AMN: variants seen among roughly 807,000 people sequenced by gnomAD.
AMN encodes amnion associated transmembrane protein, also known as protein amnionless.
Under a neutral mutation model 49.1 loss-of-function variants are expected in AMN, and 40 were observed. The observed-to-expected ratio is 0.81, with a 90% CI of 0.63 to 1.06. The LOEUF (loss-of-function observed/expected upper bound fraction) is 1.06. Ranked by LOEUF, AMN falls within the 50% of genes least tolerant of loss-of-function variation. The pLI is 0.00. For missense variants in AMN, 701 were observed against 662.8 expected, an observed-to-expected ratio of 1.06 and a Z score of -0.63; for synonymous variants, 380 against 313.3, an observed-to-expected ratio of 1.21 and a Z score of -2.25.
Position 102,928,888 on chromosome 14 carries a change from C to T in AMN, c.426C>T (p.Val142=). 1 of 1,603,880 alleles carries T rather than the reference C, an allele frequency of 6.2e-7. No individual in the cohort carries two copies. The highest frequency in any genetic ancestry group is 8.5e-7 in the Non-Finnish European group (1 of 1,179,808). Residue 142 remains valine (V), a synonymous_variant, in exon 5 of 12, where the codon GTC becomes GTT. Transcript: ENST00000299155. ...GCGTGCCCTGCCGCCACGACGACGT[C>T]TTCTTTCCGCCTAGTGCCTCCTTCC... ...AERVPCRHDD[V]FFPPSASFRV... is the part of the protein sequence containing the mutation.
At chr14:102,924,072 C>T in intron 3 of AMN, 93 bp downstream of exon 3, 3 of 1,560,318 alleles carry the variant, frequency 1.9e-6, no homozygotes, top group African/African-American at 1.4e-5. Context: ...CGGACCCCAC[C>T]GGCATGGAGG....
rs749049449 is a variant in AMN, at chr14:102,930,509, G to C, written c.1257+16G>C. Reference sequence around the variant, plus strand: ...CGAGGAGCTGGTGAGGGGGCTGGAGGGGGGACCGGGGCCTCCTCGGGGCCG... The same window carrying C: ...CGAGGAGCTGGTGAGGGGGCTGGAGCGGGGACCGGGGCCTCCTCGGGGCCG... On this transcript the variant is annotated intron_variant, in intron 11 of 11. Transcript: ENST00000299155. 2.6e-6 allele frequency: 4 copies of C among 1,539,370 alleles called. No homozygotes were observed. The highest frequency in any genetic ancestry group is 2.5e-5 in the East Asian group (1 of 40,690).
chr14:102,927,855 T>A (rs1566827243), intron 3 of AMN, among the ~76,000 whole-genome samples: 1 of 152,106 alleles, frequency 6.6e-6, no homozygotes, highest in Non-Finnish European at 1.5e-5. Context: ...GTGCGGGAGC[T>A]GCACGGCCCA....
At position 102,923,690 on chromosome 14, in the gene AMN, A is replaced by G. The variant is rs374136954; in HGVS notation, c.44-21A>G. On this transcript the variant is annotated intron_variant, in intron 1 of 11. Coordinates refer to ENST00000299155, the MANE Select transcript of AMN (RefSeq NM_030943.4). ...GAGCATCCCGGAGAGCATCCCGGGC[A>G]CTCAGTCGCCTCCTCCCCAGCACTG... 31 of 1,596,908 alleles carry G rather than the reference A, an allele frequency of 1.9e-5. No individual in the cohort carries two copies. In the Middle Eastern group the frequency reaches 5.0e-4, roughly 26 times the overall value.
At position 102,930,721 on chromosome 14, in the gene AMN, C is replaced by T. The variant is rs753937288; in HGVS notation, c.*41C>T. 1 of 1,540,812 alleles carries T rather than the reference C, an allele frequency of 6.5e-7. No individual in the cohort carries two copies. The highest frequency in any genetic ancestry group is 8.8e-7 in the Non-Finnish European group (1 of 1,141,464). ...TCGACCTTGGGGCTCTCCACCCGCT[C>T]TGGCCCCAGTCGAACTGGGGGCTAG... On this transcript the variant is annotated 3_prime_UTR_variant, in exon 12 of 12. Transcript: ENST00000299155.
rs1209730240 is a variant in AMN at position 102,930,256 on chromosome 14, G to A, written c.1098G>A (p.Ala366=). ...CGGCTGGGCTGGCGGGCGGCGTGGC[G>A]GCTGCCGTGCTGCTGGCGCTGCTGG... ...SSAAGLAGGV[A]AAVLLALLVL... The change falls in exon 10 of 12, where the codon GCG becomes GCA. Residue 366 remains alanine (A), a synonymous_variant. Coordinates refer to ENST00000299155, the MANE Select transcript of AMN (RefSeq NM_030943.4). The A allele has an allele frequency of 1.4e-5, 20 of 1,379,594 alleles. No individual in the cohort carries two copies. Among genetic ancestry groups the A allele is most frequent in the Non-Finnish European group, 1.8e-5 (19 of 1,069,214 alleles). 85.5% of individuals were successfully genotyped at this position (1,379,594 alleles called of 1,614,324 possible). A position where few individuals can be genotyped will look rare whatever the true frequency, so the allele number is the denominator to read the frequency against.
rs2139313390 is a variant in AMN at position 102,930,444 on chromosome 14, C to T, written c.1208C>T (p.Pro403Leu). The T allele has an allele frequency of 1.3e-6, 2 of 1,526,670 alleles. No homozygotes were observed. The highest frequency in any genetic ancestry group is 2.5e-5 in the East Asian group (1 of 40,066). The allele number at this position is 1,526,670 out of a possible 1,614,324, so 94.6% of individuals were successfully genotyped here. The part of the protein sequence containing the change: ...RHEAAAPAGA[P>L]LGFRNPVFDV... ...GAGGCGGCGGCCCCGGCTGGAGCGC[C>T]CCTCGGCTTCCGCAACCCGGTGTTC... The change falls in exon 11 of 12, where the codon CCC becomes CTC. Residue 403 changes from proline (P) to leucine (L), a missense_variant. Coordinates refer to ENST00000299155, the MANE Select transcript of AMN (RefSeq NM_030943.4).
chr14:102,930,788 C>T lies in AMN; in HGVS notation c.*108C>T. On this transcript the variant is annotated 3_prime_UTR_variant, in exon 12 of 12. Coordinates refer to ENST00000299155, the MANE Select transcript of AMN (RefSeq NM_030943.4). ...CCCCCAAACCTCCCCTTCCTTTCCC[C>T]CTCCTCCGGGGGCCAAGGACAGGGT... The T allele has an allele frequency of 1.6e-6, 2 of 1,265,928 alleles. No individual in the cohort carries two copies. Among genetic ancestry groups the T allele is most frequent in the Admixed American group, 2.0e-5 (1 of 50,516 alleles). 78.4% of individuals were successfully genotyped at this position (1,265,928 alleles called of 1,614,324 possible).
At chr14:102,927,336 G>A (rs555267405) in intron 3 of AMN, among the ~76,000 whole-genome samples, 2 of 152,210 alleles carry the variant, frequency 1.3e-5, no homozygotes, top group South Asian at 2.1e-4. Context: ...TACTGTGCTC[G>A]TCTGTTCAAC....
intron 3 of AMN, among the ~76,000 whole-genome samples, chr14:102,926,577 A>G (rs960005738): frequency 2.1e-5 from 3 of 144,130 alleles, no homozygotes; most frequent in Non-Finnish European, 4.5e-5. Context: ...CACCAAAAAA[A>G]CCCTGGATTT....
chr14:102,923,757 C>T lies in AMN; in HGVS notation c.90C>T (p.Phe30=). The T allele has an allele frequency of 3.1e-6, 5 of 1,612,818 alleles. No individual in the cohort carries two copies. The highest frequency in any genetic ancestry group is 4.2e-6 in the Non-Finnish European group (5 of 1,179,884). Residue 30 remains phenylalanine (F), a synonymous_variant, in exon 2 of 12, where the codon TTC becomes TTT. Coordinates refer to ENST00000299155, the MANE Select transcript of AMN (RefSeq NM_030943.4). ...AACTCTGGGTCCCCAACACGGACTT[C>T]GACGTCGCAGCCAACTGGAGCCAGA... is the stretch of plus-strand genomic sequence containing the variant. ...VSKLWVPNTD[F]DVAANWSQNR...
intron 1 of AMN, 196 bp from the exon 2 acceptor site, chr14:102,923,515 G>A (rs765949871): frequency 3.2e-5 from 20 of 616,402 alleles, no homozygotes; most frequent in Non-Finnish European, 5.8e-5. Context: ...GTAGAAGTCC[G>A]TTGGAGAGCG....
chr14:102,922,861 G>A (rs956795833), intron 1 of AMN, 130 bp downstream of exon 1: 121 of 1,314,238 alleles, frequency 9.2e-5, no homozygotes, highest in Middle Eastern at 2.7e-4. Flanking sequence ...GAGGGTTGGG[G>A]GCGTGAAACT....
chr14:102,929,056 G>A, intron 5 of AMN, 65 bp from the exon 6 acceptor site: 1 of 1,597,032 alleles, frequency 6.3e-7, no homozygotes, highest in Middle Eastern at 1.7e-4. Flanking sequence ...GCACACGTTG[G>A]GTCTGAGCAC....
At chr14:102,928,536 G>A (rs1161595774) in intron 4 of AMN, 23 bp downstream of exon 4, 1 of 1,594,252 alleles carries the variant, frequency 6.3e-7, no homozygotes, top group Non-Finnish European at 8.5e-7. Flanking sequence ...GGCAGGGGCG[G>A]GGCTCTGGAA....
intron 8 of AMN, 83 bp downstream of exon 8, chr14:102,929,820 C>A (rs1891291754): frequency 1.9e-6 from 3 of 1,542,646 alleles, no homozygotes; most frequent in Non-Finnish European, 2.6e-6. Context: ...CTGCAGGGTC[C>A]CTGCGGCTGC....
rs753202286 is a variant in AMN, at chr14:102,930,070, G to A, written c.990G>A (p.Ala330=). 8 of 1,542,446 alleles carry A rather than the reference G, an allele frequency of 5.2e-6. No individual in the cohort carries two copies. Among genetic ancestry groups the A allele is most frequent in the Non-Finnish European group, 7.0e-6 (8 of 1,145,344 alleles). The change falls in exon 9 of 12, where the codon GCG becomes GCA. Residue 330 remains alanine, a synonymous_variant. Coordinates refer to ENST00000299155, the MANE Select transcript of AMN (RefSeq NM_030943.4). ...GAGRLARALL[A]DVAENGEALG... ...GGCGGCTGGCCCGGGCCCTCCTGGC[G>A]GACGTCGCCGAGAACGGTAACCGCG...
At position 102,922,811 on chromosome 14, in the gene AMN, A is replaced by AG. The variant is rs560265119; in HGVS notation, c.43+83dup. On this transcript the variant is annotated intron_variant, in intron 1 of 11. Coordinates refer to ENST00000299155, the MANE Select transcript of AMN (RefSeq NM_030943.4). The stretch of plus-strand genomic sequence containing the variant: ...AGGGCCGAGGTCGCTCTAGGCCTGG[A>AG]GGGTGAAGATCTTCCGAGGAGTGGG... The AG allele has an allele frequency of 3.8e-4, 579 of 1,511,144 alleles. 4 individuals are homozygous for AG. In the African/African-American group the frequency reaches 6.7e-3, roughly 17 times the overall value. 93.6% of individuals were successfully genotyped at this position (1,511,144 alleles called of 1,614,324 possible).
chr14:102,927,534 C>A (rs569571199), intron 3 of AMN, among the ~76,000 whole-genome samples: 1 of 152,200 alleles, frequency 6.6e-6, no homozygotes, highest in Non-Finnish European at 1.5e-5. Context: ...CAGGTGTGCA[C>A]GGAACTGAAG....
Sources: allele counts gnomAD v4.1 joint callset (sites outside exome capture counted in the v4.1 genomes callset), GRCh38; gene constraint gnomAD v4.1.1; transcripts MANE v1.5; gene names NCBI Gene and HGNC (gene_info 2026-07-23, HGNC 2026-07-21).